The following ZNF395 variants were observed in gnomAD, a reference collection of about 807,000 sequenced individuals.
The protein encoded by ZNF395 is zinc finger protein 395.
In ZNF395, 20 loss-of-function variants were observed where a neutral mutation model predicts 57.7. The observed-to-expected ratio is 0.35, with a 90% confidence interval of 0.24 to 0.50. The LOEUF is 0.50. ZNF395 is among the 20% of genes least tolerant of loss of function. The pLI, the probability that ZNF395 is intolerant of heterozygous loss-of-function variation, is 0.97. For missense variants in ZNF395, 606 were observed against 671.2 expected (o/e 0.90, Z 1.07); for synonymous variants, 295 against 275.9 (o/e 1.07, Z -0.69).
intron 1 of ZNF395, among the ~76,000 whole-genome samples, chr8:28,371,029 C>A (rs1265342886): frequency 6.6e-6 from 1 of 152,150 alleles, no homozygotes; most frequent in East Asian, 1.9e-4. Context: ...CATTTAATCC[C>A]CCACAAATAA....
chr8:28,384,801 A>T (rs750457255), intron 1 of ZNF395, among the ~76,000 whole-genome samples: 9 of 152,036 alleles, frequency 5.9e-5, no homozygotes, highest in Non-Finnish European at 1.0e-4. Flanking sequence ...ATCTCCACTA[A>T]CTCAGGCAGC....
At chr8:28,353,533 G>T (rs991235667) in intron 4 of ZNF395, 125 bp from the exon 5 acceptor site, 2 of 706,384 alleles carry the variant, frequency 2.8e-6, no homozygotes, top group Middle Eastern at 4.0e-4. Context: ...TGGTAGAACT[G>T]CTCTACCCTC....
chr8:28,382,266 T>C (rs1447878424), intron 1 of ZNF395, among the ~76,000 whole-genome samples: 8 of 151,962 alleles, frequency 5.3e-5, no homozygotes. Context: ...TTTCTGTATT[T>C]TTTCCCCCAA....
At chr8:28,382,518 C>T (rs536535442) in intron 1 of ZNF395, among the ~76,000 whole-genome samples, 3 of 152,318 alleles carry the variant, frequency 2.0e-5, no homozygotes, top group African/African-American at 7.2e-5. Context: ...CACCCTGAGA[C>T]ACCAAAAACA....
intron 1 of ZNF395, among the ~76,000 whole-genome samples, chr8:28,383,115 A>C (rs1036016013): frequency 6.6e-6 from 1 of 152,264 alleles, no homozygotes; most frequent in African/African-American, 2.4e-5. Flanking sequence ...ATAAAGAAAA[A>C]TATCTGATTC....
At chr8:28,369,116 A>T (rs1469249379) in intron 1 of ZNF395, among the ~76,000 whole-genome samples, 1 of 150,194 alleles carries the variant, frequency 6.7e-6, no homozygotes, top group Non-Finnish European at 1.5e-5. Flanking sequence ...GATTACAGGC[A>T]TGAGCCACTG....
intron 1 of ZNF395, among the ~76,000 whole-genome samples, chr8:28,376,383 G>A (rs1019206807): frequency 6.6e-6 from 1 of 152,114 alleles, no homozygotes; most frequent in Non-Finnish European, 1.5e-5. Flanking sequence ...ACTTTGGGAG[G>A]CTGAGGTGGG....
At chr8:28,363,832 G>A (rs909277216) in intron 1 of ZNF395, among the ~76,000 whole-genome samples, 2 of 151,974 alleles carry the variant, frequency 1.3e-5, no homozygotes, top group African/African-American at 4.8e-5. Context: ...TTTAAAGACT[G>A]CTTTCTACTG....
intron 1 of ZNF395, among the ~76,000 whole-genome samples, chr8:28,379,897 G>C (rs1335968128): frequency 2.1e-5 from 3 of 145,514 alleles, no homozygotes; most frequent in Non-Finnish European, 4.4e-5. Flanking sequence ...ACTGGTATTT[G>C]TATTTTGATA....
chr8:28,371,184 ATGTT>A (rs770426350), intron 1 of ZNF395, among the ~76,000 whole-genome samples: 30 of 152,160 alleles, frequency 2.0e-4, no homozygotes, highest in Non-Finnish European at 3.5e-4. Flanking sequence ...TTCAAAAGCT[ATGTT>A]TGTTTGTTTT....
chr8:28,370,374 TAAGG>T (rs921876155), intron 1 of ZNF395, among the ~76,000 whole-genome samples: 2 of 152,132 alleles, frequency 1.3e-5, no homozygotes, highest in Non-Finnish European at 2.9e-5. Context: ...CTCAAACCAC[TAAGG>T]AAGTGCCTTA....
chr8:28,352,592 C>T lies in ZNF395; in HGVS notation c.901G>A (p.Val301Ile), dbSNP rs138715385. 36 of 1,614,068 alleles carry T rather than the reference C, an allele frequency of 2.2e-5. No individual in the cohort carries two copies. Among genetic ancestry groups the T allele is most frequent in the South Asian group, 1.6e-4 (15 of 91,094 alleles). ...ACATACCCCAGATGGAGGGCTTTGA[C>T]GTGTCGTTTGATGCCCACAATGGAG... is the stretch of plus-strand genomic sequence containing the variant. Reference protein sequence around the residue: ...LRSIVGIKRHVKALHLGDTVD... With the variant: ...LRSIVGIKRHIKALHLGDTVD... The change falls in exon 6 of 10, where the codon GTC (valine) becomes ATC (isoleucine). Residue 301 changes from valine (V) to isoleucine (I), a missense_variant. By Grantham distance (29) the Val-to-Ile change is conservative. Coordinates refer to ENST00000344423, the MANE Select transcript of ZNF395 (RefSeq NM_018660.3). The surrounding 1 kb of genome is among the most constrained non-coding windows in gnomAD (Gnocchi z 4.0).
At chr8:28,379,496 ACT>A (rs954728795) in intron 1 of ZNF395, among the ~76,000 whole-genome samples, 1 of 152,146 alleles carries the variant, frequency 6.6e-6, no homozygotes, top group Non-Finnish European at 1.5e-5. Flanking sequence ...AAGACTCATG[ACT>A]CTCTGAAAAA....
intron 1 of ZNF395, chr8:28,385,889 A>G (rs1467721273): frequency 9.6e-5 from 12 of 125,026 alleles, no homozygotes; most frequent in African/African-American, 3.5e-4. Flanking sequence ...CCGGCCTCCC[A>G]GACCCCCGGA....
chr8:28,378,701 G>A (rs1802075287), intron 1 of ZNF395, among the ~76,000 whole-genome samples: 3 of 152,244 alleles, frequency 2.0e-5, no homozygotes, highest in South Asian at 4.2e-4. Context: ...GTGTCTTTCG[G>A]CTTTGACAAG....
At chr8:28,383,914 T>C (rs944623409) in intron 1 of ZNF395, among the ~76,000 whole-genome samples, 1 of 152,188 alleles carries the variant, frequency 6.6e-6, no homozygotes, top group African/African-American at 2.4e-5. Context: ...AATACACATT[T>C]CCGATTTCTC....
chr8:28,377,424 A>G (rs116624846), intron 1 of ZNF395, among the ~76,000 whole-genome samples: 10 of 152,270 alleles, frequency 6.6e-5, no homozygotes, highest in African/African-American at 2.4e-4. Context: ...TTTTAATTCA[A>G]ATTACAAATT....
Position 28,361,082 on chromosome 8 carries a change from G to C in ZNF395, c.43C>G (p.Leu15Val). Reference protein sequence around the residue: ...LSRRLGKRSLLGARVLGPSAS... With the variant: ...LSRRLGKRSLVGARVLGPSAS... ...CTGGGTCCCAACACCCGGGCTCCCAGGAGGGACCGCTTTCCAAGGCGTCGG... is the reference window on the plus strand; with the variant it reads ...CTGGGTCCCAACACCCGGGCTCCCACGAGGGACCGCTTTCCAAGGCGTCGG... Residue 15 changes from leucine to valine, a missense_variant, in exon 2 of 10, where the codon CTG becomes GTG. Physicochemically the swap from Leu to Val is conservative, Grantham distance 32 (BLOSUM62 1). Coordinates refer to ENST00000344423, the MANE Select transcript of ZNF395 (RefSeq NM_018660.3). 6.2e-7 allele frequency: 1 copy of C among 1,612,752 alleles called. No individual in the cohort carries two copies. The highest frequency in any genetic ancestry group is 2.2e-5 in the East Asian group (1 of 44,890).
At chr8:28,357,110 CAG>C (rs1801790138) in intron 3 of ZNF395, among the ~76,000 whole-genome samples, 1 of 152,062 alleles carries the variant, frequency 6.6e-6, no homozygotes, top group African/African-American at 2.4e-5. Context: ...CTGAACTCTG[CAG>C]CTTAAAAAAA....
Sources: gnomAD v4.1 joint callset for allele counts (sites outside exome capture counted in the v4.1 genomes callset) on GRCh38, gnomAD v4.1.1 for gene constraint, Gnocchi (gnomAD v3.1) non-coding constraint, MANE v1.5 for transcripts, NCBI Gene and HGNC (gene_info 2026-07-23, HGNC 2026-07-21) for gene names.